The following ADGRL4 variants were observed in gnomAD, a reference collection of about 807,000 sequenced individuals.
ADGRL4 encodes EGF, latrophilin and seven transmembrane domain containing 1.
Under a neutral mutation model 74.8 loss-of-function variants are expected in ADGRL4, and 90 were observed. The ratio of observed to expected loss-of-function variants is 1.20; its 90% confidence interval spans 1.02 to 1.43. The LOEUF is 1.43. ADGRL4 is among the 40% of genes most tolerant of loss of function. ADGRL4 has a pLI of 0.00. For missense variants in ADGRL4, 881 were observed against 814.3 expected (o/e 1.08, Z -1.00); for synonymous variants, 311 against 279.2 (o/e 1.11, Z -1.14).
At chr1:78,988,054 G>T (rs1650533510) in intron 2 of ADGRL4, among the ~76,000 whole-genome samples, 1 of 151,562 alleles carries the variant, frequency 6.6e-6, no homozygotes, top group Admixed American at 6.6e-5. Flanking sequence ...CTTGCAAAAT[G>T]TATTAGAATT....
At chr1:78,908,921 G>A (rs1648699402) in intron 12 of ADGRL4, among the ~76,000 whole-genome samples, 1 of 151,794 alleles carries the variant, frequency 6.6e-6, no homozygotes, top group South Asian at 2.1e-4. Context: ...CTCATATATA[G>A]GAACATATTG....
chr1:78,961,611 G>A (rs1382703457), intron 2 of ADGRL4, among the ~76,000 whole-genome samples: 1 of 152,084 alleles, frequency 6.6e-6, no homozygotes, highest in Non-Finnish European at 1.5e-5. Context: ...ATTTGATAAT[G>A]ACCTACTGTC....
rs375657680 is a variant in ADGRL4 at position 78,934,886 on chromosome 1, T to C, written c.877+1409A>G. ...CTCATGCCAGTCAGAAGGGTGATTA[T>C]CAAAAAGTCAAGAAACAATAGATGC... On this transcript the variant is annotated intron_variant, in intron 7 of 14. Transcript: ENST00000370742. 3.9e-5 allele frequency among the ~76,000 whole-genome samples: 6 copies of C among 152,308 alleles called. 1 individual carries two copies. The highest frequency in any genetic ancestry group is 1.4e-4 in the African/African-American group (6 of 41,574).
chr1:78,989,155 T>A (rs1301032689), intron 2 of ADGRL4, among the ~76,000 whole-genome samples: 1 of 151,794 alleles, frequency 6.6e-6, no homozygotes, highest in Non-Finnish European at 1.5e-5. Context: ...GTGACAGATA[T>A]TAATATATTT....
At chr1:78,983,821 A>C (rs2100728374) in intron 2 of ADGRL4, among the ~76,000 whole-genome samples, 1 of 151,992 alleles carries the variant, frequency 6.6e-6, no homozygotes, top group South Asian at 2.1e-4. Flanking sequence ...GAAAAAGTAG[A>C]TTGCCTACGA....
chr1:78,960,252 G>T (rs1214981515), intron 2 of ADGRL4, among the ~76,000 whole-genome samples: 3 of 151,896 alleles, frequency 2.0e-5, no homozygotes, highest in Non-Finnish European at 4.4e-5. Flanking sequence ...ATTAAATTTT[G>T]CAAAAACTAG....
intron 12 of ADGRL4, among the ~76,000 whole-genome samples, chr1:78,913,370 A>G (rs1322266926): frequency 1.3e-5 from 2 of 151,944 alleles, no homozygotes; most frequent in African/African-American, 2.4e-5. Context: ...AAGACACAGT[A>G]TAAACTAAAT....
At chr1:78,908,104 T>C (rs1648683761) in intron 12 of ADGRL4, among the ~76,000 whole-genome samples, 1 of 151,972 alleles carries the variant, frequency 6.6e-6, no homozygotes, top group Non-Finnish European at 1.5e-5. Flanking sequence ...CAGAGGGATA[T>C]GACAAACACT....
intron 2 of ADGRL4, among the ~76,000 whole-genome samples, chr1:78,976,212 G>T (rs76126963): frequency 6.6e-6 from 1 of 151,876 alleles, no homozygotes; most frequent in Non-Finnish European, 1.5e-5. Flanking sequence ...AGGTCCCCTT[G>T]TAGATTCAGC....
intron 7 of ADGRL4, among the ~76,000 whole-genome samples, chr1:78,933,691 A>G (rs1246024679): frequency 6.6e-6 from 1 of 151,448 alleles, no homozygotes; most frequent in Admixed American, 6.6e-5. Flanking sequence ...CCATCATCTC[A>G]GGCTCAGAAC....
chr1:78,893,017 C>T, intron 13 of ADGRL4, 81 bp downstream of exon 13: 1 of 781,540 alleles, frequency 1.3e-6, no homozygotes, highest in Non-Finnish European at 2.0e-6. Flanking sequence ...AAATAATTCC[C>T]CAAATTATTT....
intron 12 of ADGRL4, among the ~76,000 whole-genome samples, chr1:78,913,597 G>A (rs541913596): frequency 2.6e-5 from 4 of 151,864 alleles, no homozygotes; most frequent in Admixed American, 1.3e-4. Flanking sequence ...ACAAAGATGG[G>A]AACAGCAGAC....
At chr1:78,961,400 C>T (rs1241688057) in intron 2 of ADGRL4, among the ~76,000 whole-genome samples, 1 of 152,114 alleles carries the variant, frequency 6.6e-6, no homozygotes, top group Non-Finnish European at 1.5e-5. Context: ...CTCGACCTCC[C>T]AAAGTGCTGG....
chr1:78,962,069 CAG>C (rs1055849083), intron 2 of ADGRL4, among the ~76,000 whole-genome samples: 18 of 151,996 alleles, frequency 1.2e-4, no homozygotes, highest in Non-Finnish European at 2.1e-4. Context: ...TTAGTAGAGA[CAG>C]AGTTTCACCA....
Position 78,975,700 on chromosome 1 carries a change from T to A in ADGRL4, c.173-29274A>T, listed in dbSNP as rs140813095. 1.4e-4 allele frequency among the ~76,000 whole-genome samples: 21 copies of A among 151,960 alleles called. No homozygotes were observed. In the East Asian group the frequency reaches 3.9e-3, roughly 28 times the overall value. On this transcript the variant is annotated intron_variant, in intron 2 of 14. Transcript: ENST00000370742. The stretch of plus-strand genomic sequence containing the variant: ...TGCATTTGTCAAAAACACTATAGAG[T>A]CACTATTTTGCGCTGGGCAAGGTAT...
Position 78,926,612 on chromosome 1 carries a change from CA to C in ADGRL4, c.1083+273del, listed in dbSNP as rs1459851886. On this transcript the variant is annotated intron_variant, in intron 8 of 14. Transcript: ENST00000370742. ...CATTCTTCGAAACCATGGATATTTCCAAAATAAACAGTGTACTTATAAATAA... is the reference window on the plus strand; with the variant it reads ...CATTCTTCGAAACCATGGATATTTCCAAATAAACAGTGTACTTATAAATAA... Among the ~76,000 whole-genome samples, 5 of 151,922 alleles carry C rather than the reference CA, an allele frequency of 3.3e-5. No individual in the cohort carries two copies. In the East Asian group the frequency reaches 9.7e-4, roughly 29 times the overall value.
Position 78,946,332 on chromosome 1 carries a change from GC to G in ADGRL4, c.266del (p.Gly89AlafsTer20). 6.2e-7 allele frequency: 1 copy of G among 1,613,284 alleles called. No individual in the cohort carries two copies. Among genetic ancestry groups the G allele is most frequent in the South Asian group, 1.1e-5 (1 of 90,994 alleles). ...TGTCTTGGTTACTGCTGGATCTGAA[GC>G]CAGGTACACACATACAATAATAACT... Reference protein sequence around the residue: ...EGSYYCMCVPGFRSSSNQDRF... With the variant: ...EGSYYCMCVPXFRSSSNQDRF... On this transcript the variant is annotated frameshift_variant, in exon 3 of 15. Transcript: ENST00000370742. LOFTEE classifies it high-confidence loss of function.
chr1:78,913,032 A>G (rs1401780526), intron 12 of ADGRL4, among the ~76,000 whole-genome samples: 2 of 152,024 alleles, frequency 1.3e-5, no homozygotes, highest in African/African-American at 4.8e-5. Context: ...AAGCATATGA[A>G]AAAATGTTCA....
At chr1:78,982,575 TAAG>T (rs889254156) in intron 2 of ADGRL4, among the ~76,000 whole-genome samples, 1 of 151,902 alleles carries the variant, frequency 6.6e-6, no homozygotes, top group African/African-American at 2.4e-5. Context: ...TTTATGCTCA[TAAG>T]ATTATTTATA....
Sources: gnomAD v4.1 joint callset for allele counts (sites outside exome capture counted in the v4.1 genomes callset) on GRCh38, gnomAD v4.1.1 for gene constraint, MANE v1.5 for transcripts, NCBI Gene and HGNC (gene_info 2026-07-23, HGNC 2026-07-21) for gene names.